Variants in ADGRB2 observed in about 807,000 individuals in gnomAD.
The protein encoded by ADGRB2 is brain-specific angiogenesis inhibitor 2.
A neutral mutation model predicts 178.7 loss-of-function variants in ADGRB2; 47 were observed. The ratio of observed to expected loss-of-function variants is 0.26; its 90% confidence interval spans 0.21 to 0.34. The LOEUF (loss-of-function observed/expected upper bound fraction) is 0.34, where lower values mean the gene tolerates loss of function less well. ADGRB2 is among the 10% of genes least tolerant of loss of function. The pLI is 1.00. For synonymous variants in ADGRB2, 870 were observed against 912.4 expected (o/e 0.95, Z 0.84); for missense variants, 1,584 against 2,180.8 (o/e 0.73, Z 5.45).
At chr1:31,730,675 A>C in intron 29 of ADGRB2, 125 bp downstream of exon 29, 1 of 1,259,294 alleles carries the variant, frequency 7.9e-7, no homozygotes. Context: ...AGAAATGCTC[A>C]GTGTATCCAC....
At position 31,763,888 on chromosome 1, in the gene ADGRB2, G is replaced by A. The variant is rs1647124940; in HGVS notation, c.-195C>T. On this transcript the variant is annotated 5_prime_UTR_variant, in exon 1 of 33. Coordinates refer to ENST00000373658, the MANE Select transcript of ADGRB2 (RefSeq NM_001364857.2). ...GGTCTGGGGCCGAGCACTCACCTGGGCGCCGTCAGCAGCAGGAGCGGGGGC... is the reference window on the plus strand; with the variant it reads ...GGTCTGGGGCCGAGCACTCACCTGGACGCCGTCAGCAGCAGGAGCGGGGGC... The A allele has an allele frequency of 4.1e-6, 4 of 985,348 alleles. No individual in the cohort carries two copies. The highest frequency in any genetic ancestry group is 4.8e-6 in the Non-Finnish European group (4 of 829,932). The allele number at this position is 985,348 out of a possible 1,614,324, so 61.0% of individuals were successfully genotyped here. A position where few individuals can be genotyped will look rare whatever the true frequency, so the allele number is the denominator to read the frequency against.
chr1:31,742,211 C>T lies in ADGRB2; in HGVS notation c.1259G>A (p.Gly420Asp). Residue 420 changes from glycine (G) to aspartate (D), a missense_variant, in exon 8 of 33, where the codon GGC becomes GAC. Gly to Asp is a moderately conservative substitution (Grantham distance 94). This residue lies in a region of ADGRB2 where 657 missense variants were observed against 847.6 expected (regional missense o/e 0.78). Transcript: ENST00000373658. ...LCSMAACPVEGQWLEWGPWGP... is the reference protein window; with the variant it reads ...LCSMAACPVEDQWLEWGPWGP... ...CCAGGGACCCCATTCTAACCACTGG[C>T]CTTCCACTGCATGGGGAGACACAAG... The T allele has an allele frequency of 1.2e-6, 2 of 1,600,500 alleles. No individual in the cohort carries two copies. Among genetic ancestry groups the T allele is most frequent in the Non-Finnish European group, 1.7e-6 (2 of 1,172,494 alleles).
Position 31,736,628 on chromosome 1 carries a change from G to A in ADGRB2, c.3075C>T (p.Val1025=), listed in dbSNP as rs777481824. Residue 1025 remains valine, a synonymous_variant, in exon 21 of 33, where the codon GTC becomes GTT. Coordinates refer to ENST00000373658, the MANE Select transcript of ADGRB2 (RefSeq NM_001364857.2). ...CGAGGCGGGTGCGCATCCGCCCAAT[G>A]ACAGCCAGGTAGGACTGCCAGGCCT... is the stretch of plus-strand genomic sequence containing the variant. The part of the protein sequence containing the change: ...LTEAWQSYLA[V]IGRMRTRLVR... 67 of 1,614,162 alleles carry A rather than the reference G, an allele frequency of 4.2e-5. 2 individuals carry two copies. In the Middle Eastern group the frequency reaches 6.6e-4, roughly 16 times the overall value.
At chr1:31,762,006 T>C (rs777319473) in intron 1 of ADGRB2, among the ~76,000 whole-genome samples, 2 of 150,630 alleles carry the variant, frequency 1.3e-5, no homozygotes, top group Non-Finnish European at 1.5e-5. Context: ...CTTTTGAACG[T>C]AGGTCGTCTG....
chr1:31,752,264 A>C (rs1372599576), intron 4 of ADGRB2, among the ~76,000 whole-genome samples: 1 of 152,212 alleles, frequency 6.6e-6, no homozygotes. Flanking sequence ...GCTGGAACTC[A>C]GTCCCTGCTG....
At chr1:31,762,217 G>C (rs1211425191) in intron 1 of ADGRB2, among the ~76,000 whole-genome samples, 1 of 152,084 alleles carries the variant, frequency 6.6e-6, no homozygotes, top group African/African-American at 2.4e-5. Context: ...GGAGGAGAGA[G>C]GGAAGAAGAG....
chr1:31,757,360 G>C, intron 2 of ADGRB2, 22 bp downstream of exon 2: 1 of 1,093,292 alleles, frequency 9.1e-7, no homozygotes, highest in Non-Finnish European at 1.4e-6. Context: ...GTTATTCCTG[G>C]AACAATGTCA....
Position 31,740,893 on chromosome 1 carries a change from G to GCACACACACACACA in ADGRB2, c.1795-353_1795-352insTGTGTGTGTGTGTG, listed in dbSNP as rs1447252239. Among the ~76,000 whole-genome samples the GCACACACACACACA allele has an allele frequency of 3.0e-5, 1 of 33,712 alleles. No individual in the cohort carries two copies. Among genetic ancestry groups the GCACACACACACACA allele is most frequent in the South Asian group, 2.2e-3 (1 of 462 alleles). The allele number at this position is 33,712 out of a possible 152,430, so 22.1% of individuals were successfully genotyped here. A position where few individuals can be genotyped will look rare whatever the true frequency, so the allele number is the denominator to read the frequency against. On this transcript the variant is annotated intron_variant, in intron 11 of 32. Coordinates refer to ENST00000373658, the MANE Select transcript of ADGRB2 (RefSeq NM_001364857.2). The surrounding 1 kb of genome is among the most constrained non-coding windows in gnomAD (Gnocchi z 5.9). ...GTAATGAGCATGTGTGTGGGCGCGC[G>GCACACACACACACA]CGCACACACACACACACACACACAC...
chr1:31,733,824 G>A lies in ADGRB2; in HGVS notation c.3453-681C>T, dbSNP rs1165665545. On this transcript the variant is annotated intron_variant, in intron 25 of 32. Transcript: ENST00000373658. This position sits in a 1 kb window ranked among gnomAD's most constrained non-coding sequence, Gnocchi z 4.3. ...CACCTCCCTGGCCTCCCTGCCAGGG[G>A]AGGGCAGAAAAAAAGCAGATGGGGC... Among the ~76,000 whole-genome samples, 2 of 152,104 alleles carry A rather than the reference G, an allele frequency of 1.3e-5. No homozygotes were observed. Among genetic ancestry groups the A allele is most frequent in the African/African-American group, 2.4e-5 (1 of 41,406 alleles).
In ADGRB2 at chr1:31,727,830, C is replaced by A; in HGVS notation, c.4572+195G>T. The A allele has an allele frequency of 1.1e-6, 1 of 898,760 alleles. No homozygotes were observed. Among genetic ancestry groups the A allele is most frequent in the Non-Finnish European group, 1.6e-6 (1 of 610,880 alleles). 55.7% of individuals were successfully genotyped at this position (898,760 alleles called of 1,614,324 possible). A position where few individuals can be genotyped will look rare whatever the true frequency, so the allele number is the denominator to read the frequency against. ...TGTCTCCTGCTGACCACTCTCCCTC[C>A]CAATCCTGGAGGACCTCCACCCCTG... is the stretch of plus-strand genomic sequence containing the variant. On this transcript the variant is annotated intron_variant, in intron 32 of 32. Coordinates refer to ENST00000373658, the MANE Select transcript of ADGRB2 (RefSeq NM_001364857.2). The surrounding 1 kb of genome is among the most constrained non-coding windows in gnomAD (Gnocchi z 4.4).
At chr1:31,752,044 C>T (rs1056019375) in intron 4 of ADGRB2, among the ~76,000 whole-genome samples, 1 of 152,198 alleles carries the variant, frequency 6.6e-6, no homozygotes, top group African/African-American at 2.4e-5. Context: ...TCAACAGTCA[C>T]TCAGCTAGTC....
In ADGRB2 at chr1:31,757,246, G is replaced by C; in HGVS notation, c.-25C>G. Reference sequence around the variant, plus strand: ...TAACTCTTGCTCTCCATCCCCGTGTGTCGTGATCAGCTGTGAGGCATGTCA... The same window carrying C: ...TAACTCTTGCTCTCCATCCCCGTGTCTCGTGATCAGCTGTGAGGCATGTCA... On this transcript the variant is annotated 5_prime_UTR_variant, in exon 3 of 33. Transcript: ENST00000373658. The C allele has an allele frequency of 6.2e-7, 1 of 1,614,144 alleles. No individual in the cohort carries two copies. The highest frequency in any genetic ancestry group is 8.5e-7 in the Non-Finnish European group (1 of 1,179,976).
rs1478440232 is a variant in ADGRB2, at chr1:31,763,975, G to A, written c.-282C>T. 20 of 984,562 alleles carry A rather than the reference G, an allele frequency of 2.0e-5. No individual in the cohort carries two copies. Among genetic ancestry groups the A allele is most frequent in the Non-Finnish European group, 2.3e-5 (19 of 829,706 alleles). The allele number at this position is 984,562 out of a possible 1,614,324, so 61.0% of individuals were successfully genotyped here. A position where few individuals can be genotyped will look rare whatever the true frequency, so the allele number is the denominator to read the frequency against. On this transcript the variant is annotated 5_prime_UTR_variant, in exon 1 of 33. Coordinates refer to ENST00000373658, the MANE Select transcript of ADGRB2 (RefSeq NM_001364857.2). ...CCATCCCTAAGTCGGGGACCGGGCC[G>A]GGCGCAGGGTAGGTAGCTGCAGCCG... is the stretch of plus-strand genomic sequence containing the variant.
Position 31,728,994 on chromosome 1 carries a change from C to T in ADGRB2, c.4381-361G>A, listed in dbSNP as rs1645142187. Reference sequence around the variant, plus strand: ...CTCTCTGCCAGCCATAGCTACCCCTCCCCTTGGAACCTTCCACTTGTCCTG... The same window carrying T: ...CTCTCTGCCAGCCATAGCTACCCCTTCCCTTGGAACCTTCCACTTGTCCTG... On this transcript the variant is annotated intron_variant, in intron 29 of 32. Transcript: ENST00000373658. The surrounding 1 kb of genome is among the most constrained non-coding windows in gnomAD (Gnocchi z 6.7). 6.6e-6 allele frequency among the ~76,000 whole-genome samples: 1 copy of T among 152,178 alleles called. No individual in the cohort carries two copies. The highest frequency in any genetic ancestry group is 6.5e-5 in the Admixed American group (1 of 15,280).
In ADGRB2 at chr1:31,744,634, C is replaced by T. The variant is rs755898509; in HGVS notation, c.922+14G>A. On this transcript the variant is annotated intron_variant, in intron 5 of 32. Coordinates refer to ENST00000373658, the MANE Select transcript of ADGRB2 (RefSeq NM_001364857.2). This position sits in a 1 kb window ranked among gnomAD's most constrained non-coding sequence, Gnocchi z 6.7. ...GGCCCCCGCCGCAGAGGAAGGGAGG[C>T]GGGCCCGAGTTACCTGTCTGCGCCA... is the stretch of plus-strand genomic sequence containing the variant. The T allele has an allele frequency of 2.3e-5, 37 of 1,613,252 alleles. No individual in the cohort carries two copies. Among genetic ancestry groups the T allele is most frequent in the Admixed American group, 5.0e-5 (3 of 59,980 alleles).
rs1301782954 is a variant in ADGRB2 at position 31,738,210 on chromosome 1, G to A, written c.2762C>T (p.Pro921Leu). 1.2e-6 allele frequency: 2 copies of A among 1,613,962 alleles called. No individual in the cohort carries two copies. Among genetic ancestry groups the A allele is most frequent in the Non-Finnish European group, 1.7e-6 (2 of 1,180,004 alleles). The change falls in exon 18 of 33, where the codon CCC becomes CTC. Residue 921 changes from proline (P) to leucine (L), a missense_variant. Coordinates refer to ENST00000373658, the MANE Select transcript of ADGRB2 (RefSeq NM_001364857.2). ...LSTFAVLAQP[P>L]KDLTLELAGS... ...CTCTGTTCCACTCACCAGGTCCTTG[G>A]GCGGCTGGGCTAGTACAGCAAAGGT...
chr1:31,746,594 C>T (rs1047835672), intron 4 of ADGRB2, among the ~76,000 whole-genome samples: 8 of 152,196 alleles, frequency 5.3e-5, no homozygotes, highest in African/African-American at 1.9e-4. Context: ...TCTGTTCCTT[C>T]CTCATTCCCC....
chr1:31,735,619 C>G lies in ADGRB2; in HGVS notation c.3314G>C (p.Arg1105Pro). ...GIIVFNKLMA[R>P]DGISDKSKKQ... ...CTTGGATTTGTCGGAGATGCCATCA[C>G]GTGCCATGAGCTTGTTGAAGACGAT... is the stretch of plus-strand genomic sequence containing the variant. Residue 1105 changes from arginine (R) to proline (P), a missense_variant, in exon 24 of 33, where the codon CGT (arginine) becomes CCT (proline). By Grantham distance (103) the Arg-to-Pro change is moderately radical. Transcript: ENST00000373658. The surrounding 1 kb of genome is among the most constrained non-coding windows in gnomAD (Gnocchi z 6.0). The G allele has an allele frequency of 1.2e-6, 2 of 1,613,370 alleles. No homozygotes were observed. The highest frequency in any genetic ancestry group is 1.7e-6 in the Non-Finnish European group (2 of 1,179,628).
At position 31,761,577 on chromosome 1, in the gene ADGRB2, C is replaced by T. The variant is rs1395599909; in HGVS notation, c.-191+2307G>A. 6.6e-6 allele frequency among the ~76,000 whole-genome samples: 1 copy of T among 152,180 alleles called. No individual in the cohort carries two copies. Among genetic ancestry groups the T allele is most frequent in the African/African-American group, 2.4e-5 (1 of 41,426 alleles). On this transcript the variant is annotated intron_variant, in intron 1 of 32. Transcript: ENST00000373658. This position sits in a 1 kb window ranked among gnomAD's most constrained non-coding sequence, Gnocchi z 4.2. ...CATGGCCTGGCTTTCACTAACATCCCTCTGGCCAGAGCTGATCCCAGAGAA... is the reference window on the plus strand; with the variant it reads ...CATGGCCTGGCTTTCACTAACATCCTTCTGGCCAGAGCTGATCCCAGAGAA...
Sources: allele counts gnomAD v4.1 joint callset (sites outside exome capture counted in the v4.1 genomes callset), GRCh38; gene constraint gnomAD v4.1.1; regional missense constraint gnomAD v4.1.1; non-coding constraint Gnocchi (gnomAD v3.1); transcripts MANE v1.5; gene names NCBI Gene and HGNC (gene_info 2026-07-23, HGNC 2026-07-21).